Variants in SHD observed in about 807,000 individuals in gnomAD.
SHD encodes the protein Src homology 2 domain containing transforming protein D, also known as SH2 domain-containing adapter protein D.
SHD carries 29 observed loss-of-function variants against 31.2 expected under a neutral mutation model. The observed-to-expected ratio is 0.93, with a 90% CI of 0.69 to 1.27. The LOEUF (loss-of-function observed/expected upper bound fraction) is 1.27, where lower values mean the gene tolerates loss of function less well. Ranked by LOEUF, SHD falls within the 50% of genes most tolerant of loss-of-function variation. The pLI, the probability that SHD is intolerant of heterozygous loss-of-function variation, is 0.00. For synonymous variants in SHD, 208 were observed against 187.8 expected (o/e 1.11, Z -0.88); for missense variants, 520 against 453.8 (o/e 1.15, Z -1.33).
intron 4 of SHD, among the ~76,000 whole-genome samples, chr19:4,287,585 G>C (rs1971333484): frequency 1.3e-5 from 2 of 151,976 alleles, no homozygotes; most frequent in African/African-American, 4.8e-5. Flanking sequence ...AGGAGTTCGA[G>C]ACCAGCCTGG....
chr19:4,285,740 G>C (rs1451957788), intron 4 of SHD, among the ~76,000 whole-genome samples: 2 of 151,850 alleles, frequency 1.3e-5, no homozygotes, highest in African/African-American at 2.4e-5. Context: ...AGTAGAGACA[G>C]AGTTTCAGTA....
At position 4,290,359 on chromosome 19, in the gene SHD, C is replaced by T. The variant is rs11665836; in HGVS notation, c.837-88C>T. 2.8e-6 allele frequency: 4 copies of T among 1,441,650 alleles called. 1 individual carries two copies. The highest frequency in any genetic ancestry group is 2.6e-5 in the South Asian group (2 of 76,836). 89.3% of individuals were successfully genotyped at this position (1,441,650 alleles called of 1,614,324 possible). Reference sequence around the variant, plus strand: ...GACTGGAGACACACGAGCACCTGGCCTGGGCACTGTGGGAGGTGGCTTTGG... The same window carrying T: ...GACTGGAGACACACGAGCACCTGGCTTGGGCACTGTGGGAGGTGGCTTTGG... On this transcript the variant is annotated intron_variant, in intron 5 of 5. Coordinates refer to ENST00000543264, the MANE Select transcript of SHD (RefSeq NM_020209.4).
At chr19:4,285,185 G>A (rs1335472513) in intron 4 of SHD, among the ~76,000 whole-genome samples, 1 of 152,156 alleles carries the variant, frequency 6.6e-6, no homozygotes, top group Non-Finnish European at 1.5e-5. Flanking sequence ...CCTGGGGCAA[G>A]TCACTTAACC....
intron 4 of SHD, 47 bp from the exon 5 acceptor site, chr19:4,288,196 G>C: frequency 6.3e-7 from 1 of 1,593,248 alleles, no homozygotes; most frequent in African/African-American, 1.3e-5. Flanking sequence ...CCCAGAGTGT[G>C]TTTGAAGGGA....
rs1599518313 is a variant in SHD at position 4,290,695 on chromosome 19, T to C, written c.*62T>C. On this transcript the variant is annotated 3_prime_UTR_variant, in exon 6 of 6. Coordinates refer to ENST00000543264, the MANE Select transcript of SHD (RefSeq NM_020209.4). ...AGAATCGTATCCCAAAGCCCTCCCA[T>C]GGCCTAGAAAATAAATAAGTTATTG... 1 of 1,469,080 alleles carries C rather than the reference T, an allele frequency of 6.8e-7. No homozygotes were observed. The highest frequency in any genetic ancestry group is 9.1e-7 in the Non-Finnish European group (1 of 1,095,812). The allele number at this position is 1,469,080 out of a possible 1,614,324, so 91.0% of individuals were successfully genotyped here.
In SHD at chr19:4,284,897, A is replaced by G. The variant is rs1228460148; in HGVS notation, c.709A>G (p.Lys237Glu). The G allele has an allele frequency of 1.3e-6, 2 of 1,596,430 alleles. No individual in the cohort carries two copies. Among genetic ancestry groups the G allele is most frequent in the Non-Finnish European group, 1.7e-6 (2 of 1,169,692 alleles). Reference sequence around the variant, plus strand: ...TGTGGACCCAGCCCTGCCCCTGGAGAAACAGCCGTGAGTGGGGAAGCTGAA... The same window carrying G: ...TGTGGACCCAGCCCTGCCCCTGGAGGAACAGCCGTGAGTGGGGAAGCTGAA... ...ERVDPALPLE[K>E]QPWFHGPLNR... The change falls in exon 4 of 6, where the codon AAA (lysine) becomes GAA (glutamate). Residue 237 changes from lysine to glutamate, a missense_variant. Coordinates refer to ENST00000543264, the MANE Select transcript of SHD (RefSeq NM_020209.4).
intron 3 of SHD, among the ~76,000 whole-genome samples, chr19:4,283,613 C>G (rs1971279226): frequency 6.6e-6 from 1 of 151,914 alleles, no homozygotes; most frequent in South Asian, 2.1e-4. Context: ...GAGTCTCACT[C>G]TGTCGCCCAG....
intron 5 of SHD, among the ~76,000 whole-genome samples, chr19:4,288,707 A>G (rs962862433): frequency 1.2e-4 from 19 of 152,222 alleles, no homozygotes; most frequent in African/African-American, 4.6e-4. Flanking sequence ...TCTGAAGCCA[A>G]AATTTCAGGG....
rs199783651 is a variant in SHD, at chr19:4,283,261, C to T, written c.592+19C>T. 284 of 1,597,104 alleles carry T rather than the reference C, an allele frequency of 1.8e-4. 1 individual carries two copies. The highest frequency in any genetic ancestry group is 2.4e-4 in the Non-Finnish European group (276 of 1,166,878). On this transcript the variant is annotated intron_variant, in intron 3 of 5. Transcript: ENST00000543264. ...TTTGCAGGTGCTTCTCAGACCCACA[C>T]TCTGACATCTGAATGCCCCATCCCT... is the stretch of plus-strand genomic sequence containing the variant.
chr19:4,280,047 G>C lies in SHD; in HGVS notation c.-17G>C. 1.3e-6 allele frequency: 2 copies of C among 1,582,304 alleles called. No homozygotes were observed. The highest frequency in any genetic ancestry group is 2.3e-5 in the South Asian group (2 of 87,642). On this transcript the variant is annotated 5_prime_UTR_variant, in exon 1 of 6. Transcript: ENST00000543264. ...GGCCCCTCTGACAGTGGCCCGATTG[G>C]GGTGACAGGCGCCCAAATGGCCAAG...
At chr19:4,283,327 A>G in intron 3 of SHD, 85 bp downstream of exon 3, 1 of 1,367,916 alleles carries the variant, frequency 7.3e-7, no homozygotes, top group Non-Finnish European at 1.0e-6. Flanking sequence ...TCAGTTTACA[A>G]AGTAGAGTCC....
intron 4 of SHD, among the ~76,000 whole-genome samples, chr19:4,285,608 G>T (rs1444961744): frequency 2.7e-5 from 4 of 150,538 alleles, no homozygotes. Flanking sequence ...GGAGTGCAGT[G>T]ACGCGACCTC....
In SHD at chr19:4,283,082, T is replaced by C; in HGVS notation, c.432T>C (p.Tyr144=). The C allele has an allele frequency of 1.2e-6, 2 of 1,614,080 alleles. No homozygotes were observed. Among genetic ancestry groups the C allele is most frequent in the Non-Finnish European group, 1.7e-6 (2 of 1,179,982 alleles). ...SELPGRGVQL[Y]DTPYEEQDPE... ...TTCCCGGCAGAGGGGTGCAGCTCTA[T>C]GACACCCCTTATGAGGAACAGGACC... The change falls in exon 3 of 6, where the codon TAT becomes TAC. Residue 144 remains tyrosine, a synonymous_variant. Transcript: ENST00000543264.
At chr19:4,281,715 G>A (rs988097928) in intron 1 of SHD, among the ~76,000 whole-genome samples, 6 of 151,946 alleles carry the variant, frequency 3.9e-5, no homozygotes, top group Non-Finnish European at 8.8e-5. Flanking sequence ...CCAACATCGC[G>A]CCACTGCACT....
chr19:4,285,403 C>A (rs1340601667), intron 4 of SHD, among the ~76,000 whole-genome samples: 1 of 152,136 alleles, frequency 6.6e-6, no homozygotes, highest in Non-Finnish European at 1.5e-5. Flanking sequence ...GTCCTTCCAG[C>A]CTGGGCGCTC....
intron 4 of SHD, among the ~76,000 whole-genome samples, chr19:4,285,889 CTTTTT>C (rs56142317): frequency 0.063 from 5,473 of 87,230 alleles, 151 homozygotes; most frequent in Admixed American, 0.14. Context: ...CTTTTCCTTT[CTTTTT>C]TTTTTTTTTT....
chr19:4,289,173 C>T lies in SHD; in HGVS notation c.836+811C>T, dbSNP rs552255606. On this transcript the variant is annotated intron_variant, in intron 5 of 5. Transcript: ENST00000543264. ...TCACCCAGGCTGGAGTGCAGTGGCG[C>T]GATCTCGGCTCACTGCAAGCTCTGC... 1.4e-3 allele frequency among the ~76,000 whole-genome samples: 196 copies of T among 141,360 alleles called. 1 individual carries two copies. The highest frequency in any genetic ancestry group is 4.9e-3 in the African/African-American group (183 of 37,314). The allele number at this position is 141,360 out of a possible 152,430, so 92.7% of individuals were successfully genotyped here. A position where few individuals can be genotyped will look rare whatever the true frequency, so the allele number is the denominator to read the frequency against.
At chr19:4,288,973 T>TA (rs1971348073) in intron 5 of SHD, among the ~76,000 whole-genome samples, 1 of 151,984 alleles carries the variant, frequency 6.6e-6, no homozygotes, top group Admixed American at 6.6e-5. Flanking sequence ...CCTTCTCTCC[T>TA]AAAAATACAA....
intron 5 of SHD, among the ~76,000 whole-genome samples, chr19:4,288,756 C>T (rs1013931337): frequency 3.3e-5 from 5 of 152,106 alleles, no homozygotes; most frequent in African/African-American, 7.2e-5. Flanking sequence ...CCTGTTTGTA[C>T]GCACTTCCGT....
Sources: gnomAD v4.1 joint callset for allele counts (sites outside exome capture counted in the v4.1 genomes callset) on GRCh38, gnomAD v4.1.1 for gene constraint, MANE v1.5 for transcripts, NCBI Gene and HGNC (gene_info 2026-07-23, HGNC 2026-07-21) for gene names.